GALNTL6: variants seen among roughly 807,000 people sequenced by gnomAD.
The protein encoded by GALNTL6 is polypeptide N-acetylgalactosaminyltransferase like 6, also known as polypeptide N-acetylgalactosaminyltransferase-like 6.
GALNTL6 carries 46 observed loss-of-function variants against 73.7 expected under a neutral mutation model. The observed-to-expected ratio is 0.62, with a 90% CI of 0.49 to 0.80. The LOEUF is 0.80. GALNTL6 is among the 30% of genes least tolerant of loss of function. The pLI is 0.00. For missense variants in GALNTL6, 604 were observed against 755.0 expected, an observed-to-expected ratio of 0.80 and a Z score of 2.34; for synonymous variants, 259 against 263.7, an observed-to-expected ratio of 0.98 and a Z score of 0.17.
intron 8 of GALNTL6, among the ~76,000 whole-genome samples, chr4:172,924,152 T>C (rs1747928652): frequency 6.6e-6 from 1 of 152,222 alleles, no homozygotes; most frequent in Non-Finnish European, 1.5e-5. Flanking sequence ...AATGCAGAAC[T>C]CTCAGGGTGC....
chr4:172,177,514 A>G (rs1242943222), intron 2 of GALNTL6, among the ~76,000 whole-genome samples: 1 of 152,030 alleles, frequency 6.6e-6, no homozygotes, highest in East Asian at 1.9e-4. Flanking sequence ...TCACAGTGAT[A>G]GCACATTATT....
At chr4:172,068,461 C>A (rs1346837518) in intron 2 of GALNTL6, among the ~76,000 whole-genome samples, 2 of 109,620 alleles carry the variant, frequency 1.8e-5, no homozygotes, top group East Asian at 4.2e-4. Flanking sequence ...ATAGAACATG[C>A]TGATCTGTTT....
intron 5 of GALNTL6, among the ~76,000 whole-genome samples, chr4:172,418,316 C>A (rs1486159937): frequency 6.6e-6 from 1 of 152,148 alleles, no homozygotes; most frequent in Non-Finnish European, 1.5e-5. Context: ...GTGTACTTTT[C>A]TCCTACATTG....
At chr4:172,465,834 A>C (rs1463016731) in intron 5 of GALNTL6, among the ~76,000 whole-genome samples, 1 of 152,238 alleles carries the variant, frequency 6.6e-6, no homozygotes, top group Admixed American at 6.5e-5. Context: ...TTTATAAAAA[A>C]TGTCCAGCAG....
chr4:172,365,269 C>G (rs1404517541), intron 5 of GALNTL6, among the ~76,000 whole-genome samples: 1 of 151,782 alleles, frequency 6.6e-6, no homozygotes, highest in Non-Finnish European at 1.5e-5. Flanking sequence ...TGGGGCTGAC[C>G]TCTCCCTGGT....
intron 2 of GALNTL6, among the ~76,000 whole-genome samples, chr4:172,087,916 T>C (rs1166021752): frequency 6.6e-6 from 1 of 152,172 alleles, no homozygotes; most frequent in Non-Finnish European, 1.5e-5. Context: ...AAAACATAGT[T>C]AAATAATTTG....
chr4:172,936,259 T>C (rs1748613457), intron 9 of GALNTL6, among the ~76,000 whole-genome samples: 1 of 152,118 alleles, frequency 6.6e-6, no homozygotes, highest in Non-Finnish European at 1.5e-5. Flanking sequence ...CTCAATAAAC[T>C]AGGTATCGAT....
At chr4:172,286,234 C>T (rs370133941) in intron 3 of GALNTL6, among the ~76,000 whole-genome samples, 2 of 152,298 alleles carry the variant, frequency 1.3e-5, no homozygotes, top group African/African-American at 4.8e-5. Context: ...AGATTGTCTA[C>T]ATAATAGTTC....
intron 2 of GALNTL6, among the ~76,000 whole-genome samples, chr4:171,995,417 A>G (rs1740456634): frequency 6.6e-6 from 1 of 152,076 alleles, no homozygotes; most frequent in Non-Finnish European, 1.5e-5. Flanking sequence ...TTTTACCGAA[A>G]CTGAAGAAAA....
At chr4:172,490,929 T>A (rs1733872647) in intron 5 of GALNTL6, among the ~76,000 whole-genome samples, 2 of 152,098 alleles carry the variant, frequency 1.3e-5, no homozygotes, top group African/African-American at 4.8e-5. Flanking sequence ...GAAGCACATA[T>A]CTCTCCCATA....
intron 9 of GALNTL6, among the ~76,000 whole-genome samples, chr4:172,934,564 GGAATAAGCGTA>G (rs1294003820): frequency 6.6e-6 from 1 of 152,136 alleles, no homozygotes; most frequent in Non-Finnish European, 1.5e-5. Context: ...GCTTCATCTG[GGAATAAGCGTA>G]TTCACTTGAC....
chr4:172,582,960 G>C lies in GALNTL6; in HGVS notation c.554-226401G>C, dbSNP rs149696541. 6.9e-3 allele frequency among the ~76,000 whole-genome samples: 1,045 copies of C among 152,214 alleles called. 17 individuals are homozygous for C. The highest frequency in any genetic ancestry group is 0.024 in the African/African-American group (992 of 41,522). Reference sequence around the variant, plus strand: ...TTCTCTAAGAAATCTTGTCATCCCAGTAATTAGACCTTCACTTGAAATTGA... The same window carrying C: ...TTCTCTAAGAAATCTTGTCATCCCACTAATTAGACCTTCACTTGAAATTGA... On this transcript the variant is annotated intron_variant, in intron 5 of 12. Coordinates refer to ENST00000506823, the MANE Select transcript of GALNTL6 (RefSeq NM_001034845.3).
At chr4:172,198,087 A>G (rs1285254095) in intron 2 of GALNTL6, among the ~76,000 whole-genome samples, 2 of 152,036 alleles carry the variant, frequency 1.3e-5, no homozygotes, top group Non-Finnish European at 2.9e-5. Context: ...CTCCAGCCTG[A>G]GCAACAGAGT....
intron 10 of GALNTL6, among the ~76,000 whole-genome samples, chr4:173,002,347 G>A (rs1285322106): frequency 6.6e-6 from 1 of 151,884 alleles, no homozygotes; most frequent in African/African-American, 2.4e-5. Flanking sequence ...CCAAGATTGT[G>A]CCACTGCACT....
At chr4:172,242,634 C>A (rs1340042891) in intron 3 of GALNTL6, among the ~76,000 whole-genome samples, 2 of 152,092 alleles carry the variant, frequency 1.3e-5, no homozygotes, top group Non-Finnish European at 2.9e-5. Context: ...TTTGCTACTT[C>A]AATTTGTCTT....
rs180761473 is a variant in GALNTL6 at position 172,289,336 on chromosome 4, C to T, written c.248-22278C>T. 1.1e-4 allele frequency among the ~76,000 whole-genome samples: 17 copies of T among 152,288 alleles called. No homozygotes were observed. In the East Asian group the frequency reaches 1.2e-3, roughly 10 times the overall value. On this transcript the variant is annotated intron_variant, in intron 3 of 12. Transcript: ENST00000506823. ...TGTTTAATTGTGTCCTAACTACAGT[C>T]CAAGTGACCTTCTATAATGAGCTTC... is the stretch of plus-strand genomic sequence containing the variant.
At chr4:172,139,123 G>T (rs1363982495) in intron 2 of GALNTL6, among the ~76,000 whole-genome samples, 1 of 152,056 alleles carries the variant, frequency 6.6e-6, no homozygotes, top group Non-Finnish European at 1.5e-5. Flanking sequence ...ATTTTATAAG[G>T]CCACTGTGCT....
chr4:172,755,170 T>C (rs1234517381), intron 5 of GALNTL6, among the ~76,000 whole-genome samples: 2 of 151,814 alleles, frequency 1.3e-5, no homozygotes, highest in East Asian at 3.9e-4. Flanking sequence ...GATTTAAGGA[T>C]TGAATCATTC....
chr4:172,210,309 A>C (rs954444540), intron 2 of GALNTL6, among the ~76,000 whole-genome samples: 2 of 152,062 alleles, frequency 1.3e-5, no homozygotes, highest in African/African-American at 4.8e-5. Flanking sequence ...TAGTGTTCTC[A>C]ACTAAAGTCT....
Sources: gnomAD v4.1 joint callset for allele counts (sites outside exome capture counted in the v4.1 genomes callset) on GRCh38, gnomAD v4.1.1 for gene constraint, MANE v1.5 for transcripts, NCBI Gene and HGNC (gene_info 2026-07-23, HGNC 2026-07-21) for gene names.